The following ELAPOR2 variants were observed in gnomAD, a reference collection of about 807,000 sequenced individuals.
The protein encoded by ELAPOR2 is endosome/lysosome-associated apoptosis and autophagy regulator family member 2.
In ELAPOR2, 89 loss-of-function variants were observed where a neutral mutation model predicts 120.7. The ratio of observed to expected loss-of-function variants is 0.74; its 90% CI spans 0.62 to 0.88. The LOEUF (loss-of-function observed/expected upper bound fraction) is 0.88. Among genes scored for constraint, ELAPOR2 ranks in the 40% least tolerant of loss-of-function variants. ELAPOR2 has a pLI of 0.00. For missense variants in ELAPOR2, 1,134 were observed against 1,251.6 expected (o/e 0.91, Z 1.42); for synonymous variants, 444 against 444.9 (o/e 1.00, Z 0.03).
chr7:87,001,142 C>A (rs1562963145), intron 1 of ELAPOR2, among the ~76,000 whole-genome samples: 1 of 152,106 alleles, frequency 6.6e-6, no homozygotes, highest in South Asian at 2.1e-4. Context: ...AGACCTCCAG[C>A]TGATTGTGAG....
At chr7:86,918,365 T>C in intron 12 of ELAPOR2, 77 bp downstream of exon 12, 1 of 593,124 alleles carries the variant, frequency 1.7e-6, no homozygotes, top group East Asian at 3.4e-5. Context: ...TTATCCCAAC[T>C]TGCCACAAAT....
chr7:86,924,547 G>C (rs1226715232), intron 10 of ELAPOR2, among the ~76,000 whole-genome samples: 1 of 151,650 alleles, frequency 6.6e-6, no homozygotes, highest in Non-Finnish European at 1.5e-5. Flanking sequence ...TCAAGTAACA[G>C]CTATTATATC....
At chr7:86,982,440 C>T (rs372237081) in intron 1 of ELAPOR2, among the ~76,000 whole-genome samples, 1 of 152,166 alleles carries the variant, frequency 6.6e-6, no homozygotes. Context: ...TAGGTGGGTG[C>T]CCCTCTGGGA....
chr7:86,901,290 C>T (rs1788713458), intron 18 of ELAPOR2, among the ~76,000 whole-genome samples: 1 of 152,120 alleles, frequency 6.6e-6, no homozygotes, highest in African/African-American at 2.4e-5. Flanking sequence ...ATCTGGATGG[C>T]CCTGGCAATA....
At chr7:86,948,385 G>A (rs1791094677) in intron 2 of ELAPOR2, among the ~76,000 whole-genome samples, 1 of 152,138 alleles carries the variant, frequency 6.6e-6, no homozygotes, top group African/African-American at 2.4e-5. Context: ...GCTAATCAGT[G>A]GATAAGCACA....
At chr7:86,883,943 G>A (rs933083753) in intron 21 of ELAPOR2, among the ~76,000 whole-genome samples, 1 of 152,196 alleles carries the variant, frequency 6.6e-6, no homozygotes, top group Admixed American at 6.5e-5. Flanking sequence ...GTGTTTTGGG[G>A]TGAAGTGTAT....
intron 2 of ELAPOR2, among the ~76,000 whole-genome samples, chr7:86,962,847 T>G (rs533539599): frequency 6.6e-6 from 1 of 152,350 alleles, no homozygotes; most frequent in Non-Finnish European, 1.5e-5. Flanking sequence ...AATATCCAGT[T>G]ACTATGACAC....
intron 21 of ELAPOR2, among the ~76,000 whole-genome samples, chr7:86,882,124 C>G (rs2115724002): frequency 6.6e-6 from 1 of 152,306 alleles, no homozygotes; most frequent in Admixed American, 6.5e-5. Context: ...CTGACTGGCT[C>G]TGTGAGAACT....
Position 86,912,926 on chromosome 7 carries a change from T to G in ELAPOR2, c.1995+15A>C, listed in dbSNP as rs767992840. The G allele has an allele frequency of 9.3e-6, 15 of 1,611,282 alleles. No individual in the cohort carries two copies. Among genetic ancestry groups the G allele is most frequent in the Non-Finnish European group, 1.2e-5 (14 of 1,177,796 alleles). ...TGTGCTTTCATGGGGATACCTGAAA[T>G]GCAGACCCACTTACCTGATTGTTTT... is the stretch of plus-strand genomic sequence containing the variant. On this transcript the variant is annotated intron_variant, in intron 14 of 21. Transcript: ENST00000450689.
intron 1 of ELAPOR2, among the ~76,000 whole-genome samples, chr7:87,021,394 T>G (rs565653681): frequency 6.6e-6 from 1 of 152,276 alleles, no homozygotes; most frequent in East Asian, 1.9e-4. Flanking sequence ...GTATTCTGCC[T>G]AATATATTGT....
chr7:86,990,518 G>A lies in ELAPOR2; in HGVS notation c.190-25494C>T, dbSNP rs147094399. 3.3e-3 allele frequency among the ~76,000 whole-genome samples: 503 copies of A among 152,200 alleles called. 7 individuals are homozygous for A. The highest frequency in any genetic ancestry group is 0.011 in the African/African-American group (469 of 41,520). ...CTTGGCCTTCCCAGCCTCCATGATT[G>A]TAAGAAATTACTCAGTTTCAGGTAT... On this transcript the variant is annotated intron_variant, in intron 1 of 21. Coordinates refer to ENST00000450689, the MANE Select transcript of ELAPOR2 (RefSeq NM_001142749.3).
At position 86,898,559 on chromosome 7, in the gene ELAPOR2, C is replaced by CAAAAAAA. The variant is rs11418158; in HGVS notation, c.2559-934_2559-928dup. 1.2e-4 allele frequency among the ~76,000 whole-genome samples: 8 copies of CAAAAAAA among 66,592 alleles called. 1 individual carries two copies. The highest frequency in any genetic ancestry group is 1.2e-4 in the Non-Finnish European group (4 of 33,920). The allele number at this position is 66,592 out of a possible 152,430, so 43.7% of individuals were successfully genotyped here. A position where few individuals can be genotyped will look rare whatever the true frequency, so the allele number is the denominator to read the frequency against. ...TAATTTAAGAGAGAGACACAATGAC[C>CAAAAAAA]AAAAAAAAAAAAAAAAAAAAAGGCT... is the stretch of plus-strand genomic sequence containing the variant. On this transcript the variant is annotated intron_variant, in intron 18 of 21. Coordinates refer to ENST00000450689, the MANE Select transcript of ELAPOR2 (RefSeq NM_001142749.3).
Position 86,897,530 on chromosome 7 carries a change from C to T in ELAPOR2, c.2661G>A (p.Glu887=). ...CCTGAAATCCTCTCTTGCAGGCTCC[C>T]TCAATCTCATGGAAGTCATGCTCCG... ...LCTEHDFHEI[E]GACKRGFQET... The change falls in exon 19 of 22, where the codon GAG becomes GAA. Residue 887 remains glutamate, a synonymous_variant. Coordinates refer to ENST00000450689, the MANE Select transcript of ELAPOR2 (RefSeq NM_001142749.3). 6.2e-7 allele frequency: 1 copy of T among 1,613,076 alleles called. No individual in the cohort carries two copies. The highest frequency in any genetic ancestry group is 8.5e-7 in the Non-Finnish European group (1 of 1,179,388).
At chr7:87,050,053 C>T (rs143210776) in intron 1 of ELAPOR2, among the ~76,000 whole-genome samples, 61 of 152,288 alleles carry the variant, frequency 4.0e-4, no homozygotes, top group African/African-American at 1.3e-3. Flanking sequence ...GAGGCCCTCA[C>T]CTGGATCTTG....
At chr7:86,941,988 C>A (rs13236006) in intron 5 of ELAPOR2, 30 bp downstream of exon 5, 53,136 of 1,372,394 alleles carry the variant, frequency 0.039, 1,341 homozygotes, top group Non-Finnish European at 0.046. Context: ...GAAAAATTGG[C>A]AAAGAAGAAG....
intron 8 of ELAPOR2, among the ~76,000 whole-genome samples, chr7:86,930,066 C>A (rs1045045722): frequency 5.3e-5 from 8 of 151,926 alleles, no homozygotes; most frequent in Non-Finnish European, 1.2e-4. Flanking sequence ...ACTAACATAT[C>A]CCCTAAATAC....
chr7:86,900,836 A>G (rs751093709), intron 18 of ELAPOR2, among the ~76,000 whole-genome samples: 6 of 152,206 alleles, frequency 3.9e-5, no homozygotes, highest in Non-Finnish European at 8.8e-5. Context: ...TGAAAATAGA[A>G]AAAAAGTACA....
At chr7:87,047,672 C>G (rs773752113) in intron 1 of ELAPOR2, among the ~76,000 whole-genome samples, 12 of 152,148 alleles carry the variant, frequency 7.9e-5, no homozygotes, top group Admixed American at 1.3e-4. Context: ...CAGGCAATAA[C>G]AAATGCTGGT....
At chr7:86,963,998 C>T (rs1791814179) in intron 2 of ELAPOR2, among the ~76,000 whole-genome samples, 1 of 152,154 alleles carries the variant, frequency 6.6e-6, no homozygotes, top group African/African-American at 2.4e-5. Flanking sequence ...ATCAGTAAAT[C>T]CACCAATTAT....
Sources: gnomAD v4.1 joint callset for allele counts (sites outside exome capture counted in the v4.1 genomes callset) on GRCh38, gnomAD v4.1.1 for gene constraint, MANE v1.5 for transcripts, NCBI Gene and HGNC (gene_info 2026-07-23, HGNC 2026-07-21) for gene names.